TK1: variants seen among roughly 807,000 people sequenced by gnomAD.
TK1 encodes thymidine kinase 1, also known as thymidine kinase, cytosolic.
Under a neutral mutation model 22.4 loss-of-function variants are expected in TK1, and 13 were observed. The ratio of observed to expected loss-of-function variants is 0.58; its 90% CI spans 0.38 to 0.92. The LOEUF (loss-of-function observed/expected upper bound fraction) is 0.92. Ranked by LOEUF, TK1 falls within the 40% of genes least tolerant of loss-of-function variation. The pLI is 0.00. For missense variants in TK1, 251 were observed against 315.7 expected, an observed-to-expected ratio of 0.80 and a Z score of 1.55; for synonymous variants, 134 against 125.4, an observed-to-expected ratio of 1.07 and a Z score of -0.46.
intron 4 of TK1, chr17:78,179,399 G>T: frequency 1.0e-6 from 1 of 985,372 alleles, no homozygotes; most frequent in Non-Finnish European, 1.2e-6. Flanking sequence ...AGGCATGGGG[G>T]TGCTCAGGGG....
intron 4 of TK1, among the ~76,000 whole-genome samples, chr17:78,181,382 T>C (rs1193556630): frequency 2.6e-5 from 4 of 151,972 alleles, no homozygotes; most frequent in Non-Finnish European, 5.9e-5. Flanking sequence ...CCCTTGTCTC[T>C]ACAAAAATTA....
chr17:78,177,086 T>C (rs1037754945), intron 4 of TK1, among the ~76,000 whole-genome samples: 4 of 152,170 alleles, frequency 2.6e-5, no homozygotes, highest in Admixed American at 6.6e-5. Context: ...TCAAAGAGCT[T>C]GGTTCTTGCA....
In TK1 at chr17:78,182,656, C is replaced by T; in HGVS notation, c.236G>A (p.Cys79Tyr). 1 of 1,592,402 alleles carries T rather than the reference C, an allele frequency of 6.3e-7. No homozygotes were observed. The highest frequency in any genetic ancestry group is 8.5e-7 in the Non-Finnish European group (1 of 1,171,722). ...CTCCTGGGCCACGTCTCGGAGCAGG[C>T]AGGCGGGCAGTGCCTCCATGGTGTT... ...DRNTMEALPA[C>Y]LLRDVAQEAL... Residue 79 changes from cysteine to tyrosine, a missense_variant, in exon 4 of 7, where the codon TGC becomes TAC. Coordinates refer to ENST00000301634, the MANE Select transcript of TK1 (RefSeq NM_003258.5).
intron 2 of TK1, 93 bp downstream of exon 2, chr17:78,186,694 G>T: frequency 7.1e-6 from 8 of 1,128,966 alleles, no homozygotes; most frequent in Non-Finnish European, 1.0e-5. Flanking sequence ...GAAGGGGAGG[G>T]GAGGGGAGGG....
Position 78,174,833 on chromosome 17 carries a change from T to G in TK1, c.631A>C (p.Lys211Gln). The G allele has an allele frequency of 6.2e-7, 1 of 1,613,526 alleles. No individual in the cohort carries two copies. Among genetic ancestry groups the G allele is most frequent in the Non-Finnish European group, 8.5e-7 (1 of 1,179,700 alleles). ...DNKENCPVPGKPGEAVAARKL... is the reference protein window; with the variant it reads ...DNKENCPVPGQPGEAVAARKL... The stretch of plus-strand genomic sequence containing the variant: ...CTGGCAGCCACGGCTTCCCCTGGCT[T>G]TCCTGGCACTGGGCAGTTCTCTTTG... The change falls in exon 7 of 7, where the codon AAG (lysine) becomes CAG (glutamine). Residue 211 changes from lysine to glutamine, a missense_variant. Transcript: ENST00000301634.
At chr17:78,177,599 A>C (rs1185564418) in intron 4 of TK1, among the ~76,000 whole-genome samples, 1 of 148,950 alleles carries the variant, frequency 6.7e-6, no homozygotes, top group Non-Finnish European at 1.5e-5. Context: ...TTTGAGACGG[A>C]GTCTCGCTCT....
chr17:78,175,082 C>T lies in TK1; in HGVS notation c.481G>A (p.Ala161Thr), dbSNP rs199970954. ...TCTGTGCCGAGCCTCTTGGTATAGG[C>T]GGCTTCCCGGAAGCACTCCATGCAC... is the stretch of plus-strand genomic sequence containing the variant. Reference protein sequence around the residue: ...AVCMECFREAAYTKRLGTEKE... With the variant: ...AVCMECFREATYTKRLGTEKE... Residue 161 changes from alanine to threonine, a missense_variant, in exon 6 of 7, where the codon GCC (alanine) becomes ACC (threonine). Coordinates refer to ENST00000301634, the MANE Select transcript of TK1 (RefSeq NM_003258.5). The T allele has an allele frequency of 8.7e-5, 140 of 1,613,568 alleles. No individual in the cohort carries two copies. Among genetic ancestry groups the T allele is most frequent in the Non-Finnish European group, 1.0e-4 (122 of 1,179,852 alleles).
upstream of TK1, chr17:78,187,081 C>G (rs769236311): frequency 3.5e-6 from 5 of 1,419,540 alleles, no homozygotes; most frequent in South Asian, 3.6e-5. Flanking sequence ...CGCTTTAAAC[C>G]ACGGCGTGCT....
At chr17:78,176,791 G>C (rs2661678) in intron 4 of TK1, among the ~76,000 whole-genome samples, 89,643 of 152,022 alleles carry the variant, frequency 0.59, 28,760 homozygotes, top group African/African-American at 0.85. Context: ...GTCCTGTGCA[G>C]TGTAGGGTGT....
At chr17:78,186,721 A>AGGGGG (rs2075804191) in intron 2 of TK1, 66 bp downstream of exon 2, 1 of 1,233,160 alleles carries the variant, frequency 8.1e-7, no homozygotes, top group African/African-American at 2.2e-5. Flanking sequence ...AGGGGAGGGG[A>AGGGGG]GGGACGGGAC....
rs541771725 is a variant in TK1 at position 78,175,579 on chromosome 17, C to A, written c.343G>T (p.Ala115Ser). The change falls in exon 5 of 7, where the codon GCC becomes TCC. Residue 115 changes from alanine to serine, a missense_variant. Ala to Ser is a moderately conservative substitution (Grantham distance 99, BLOSUM62 1). Transcript: ENST00000301634. ...GCAGCCACAATTACGGTCTTCCCGGCGTTGGCCATGGCCTCGCAGAACTCC... is the reference window on the plus strand; with the variant it reads ...GCAGCCACAATTACGGTCTTCCCGGAGTTGGCCATGGCCTCGCAGAACTCC... ...IVEFCEAMAN[A>S]GKTVIVAALD... 3.1e-6 allele frequency: 5 copies of A among 1,613,746 alleles called. No homozygotes were observed. The South Asian group carries it at 4.4e-5, about 14-fold the overall frequency.
In TK1 at chr17:78,174,201, A is replaced by C. The variant is rs2075680750; in HGVS notation, c.*558T>G. 1 of 153,134 alleles carries C rather than the reference A, an allele frequency of 6.5e-6. No homozygotes were observed. Among genetic ancestry groups the C allele is most frequent in the South Asian group, 2.0e-4 (1 of 4,922 alleles). The allele number at this position is 153,134 out of a possible 1,614,324, so 9.5% of individuals were successfully genotyped here. ...TCCAAGTCCCAGCAAGGTTGGTGCC[A>C]CCCATCTTGGTGAAAGATGCTGTTG... On this transcript the variant is annotated 3_prime_UTR_variant, in exon 7 of 7. Coordinates refer to ENST00000301634, the MANE Select transcript of TK1 (RefSeq NM_003258.5).
chr17:78,187,174 C>T, upstream of TK1: 1 of 899,634 alleles, frequency 1.1e-6, no homozygotes, highest in Non-Finnish European at 1.8e-6. Context: ...CCGCAGCCCG[C>T]CCCCTCGTGG....
intron 4 of TK1, among the ~76,000 whole-genome samples, chr17:78,181,768 T>C (rs1228149728): frequency 6.7e-6 from 1 of 150,048 alleles, no homozygotes; most frequent in African/African-American, 2.4e-5. Context: ...ACCTCCCCCT[T>C]TTTTTTTTGA....
In TK1 at chr17:78,175,041, T is replaced by C. The variant is rs1355902173; in HGVS notation, c.513+9A>G. 1.2e-6 allele frequency: 2 copies of C among 1,612,788 alleles called. No homozygotes were observed. Among genetic ancestry groups the C allele is most frequent in the Admixed American group, 3.3e-5 (2 of 59,892 alleles). On this transcript the variant is annotated intron_variant, in intron 6 of 6. Coordinates refer to ENST00000301634, the MANE Select transcript of TK1 (RefSeq NM_003258.5). ...CCCGCCGGCCTGCAGGGAAGGCAGG[T>C]GGAGCTACCTCCTTCTCTGTGCCGA...
chr17:78,187,169 G>T (rs1177273926), upstream of TK1: 1 of 908,140 alleles, frequency 1.1e-6, no homozygotes, highest in East Asian at 2.6e-5. Context: ...TTTGGCCGCA[G>T]CCCGCCCCCT....
chr17:78,179,659 G>A (rs992692527), intron 4 of TK1: 12 of 985,350 alleles, frequency 1.2e-5, no homozygotes, highest in African/African-American at 1.7e-5. Context: ...GCCCTGTGAC[G>A]TCCGGGCAGG....
Position 78,184,923 on chromosome 17 carries a change from C to A in TK1, c.209+132G>T, listed in dbSNP as rs2075769925. On this transcript the variant is annotated intron_variant, in intron 3 of 6. Coordinates refer to ENST00000301634, the MANE Select transcript of TK1 (RefSeq NM_003258.5). ...AGAGTGTGCGCTACCTTGCCAAGCA[C>A]CTTGGAAAGTGTGCTGATTTGAATC... 4 of 731,200 alleles carry A rather than the reference C, an allele frequency of 5.5e-6. No individual in the cohort carries two copies. The East Asian group carries it at 1.1e-4, about 20-fold the overall frequency. The allele number at this position is 731,200 out of a possible 1,614,324, so 45.3% of individuals were successfully genotyped here.
chr17:78,184,944 G>A (rs1019449365), intron 3 of TK1, 111 bp downstream of exon 3: 282 of 845,836 alleles, frequency 3.3e-4, no homozygotes, highest in Non-Finnish European at 4.6e-4. Context: ...GTGCTGATTT[G>A]AATCATTCAA....
Sources: allele counts gnomAD v4.1 joint callset (sites outside exome capture counted in the v4.1 genomes callset), GRCh38; gene constraint gnomAD v4.1.1; transcripts MANE v1.5; gene names NCBI Gene and HGNC (gene_info 2026-07-23, HGNC 2026-07-21).